TMEM117: variants seen among roughly 807,000 people sequenced by gnomAD.
TMEM117 encodes transmembrane protein 117.
In TMEM117, 27 loss-of-function variants were observed where a neutral mutation model predicts 52.4. That is an observed-to-expected ratio of 0.51 (90% CI 0.38 to 0.71). The LOEUF (loss-of-function observed/expected upper bound fraction) is 0.71, where lower values mean the gene tolerates loss of function less well. Ranked by LOEUF, TMEM117 falls within the 30% of genes least tolerant of loss-of-function variation. TMEM117 has a pLI of 0.00. For synonymous variants in TMEM117, 215 were observed against 206.3 expected, an observed-to-expected ratio of 1.04 and a Z score of -0.36; for missense variants, 556 against 630.5, an observed-to-expected ratio of 0.88 and a Z score of 1.26.
At chr12:44,238,888 A>T (rs902472861) in intron 5 of TMEM117, among the ~76,000 whole-genome samples, 1 of 152,038 alleles carries the variant, frequency 6.6e-6, no homozygotes, top group Non-Finnish European at 1.5e-5. Context: ...ACCACATGTG[A>T]TCTTTTCTTC....
the TMEM117 span, chr12:43,805,733 G>A: frequency 4.1e-6 from 5 of 1,217,072 alleles, no homozygotes; most frequent in African/African-American, 1.5e-5. Context: ...AGAGTTTTGG[G>A]AAGCACCCCT....
chr12:43,917,118 C>T lies in TMEM117; in HGVS notation c.278-27092C>T, dbSNP rs372799792. ...ATACAATAATAGTACTATGGCTGGG[C>T]AGAGTGGCTCATGCCTATAATTCCA... is the stretch of plus-strand genomic sequence containing the variant. On this transcript the variant is annotated intron_variant, in intron 2 of 7. Transcript: ENST00000266534. Among the ~76,000 whole-genome samples the T allele has an allele frequency of 6.9e-5, 10 of 145,980 alleles. No individual in the cohort carries two copies. In the South Asian group the frequency reaches 2.1e-3, roughly 31 times the overall value.
intron 2 of TMEM117, among the ~76,000 whole-genome samples, chr12:43,940,735 G>C (rs1016235273): frequency 1.3e-5 from 2 of 152,056 alleles, no homozygotes; most frequent in African/African-American, 4.8e-5. Context: ...GTAGAAACCG[G>C]GTTTCACCAT....
At chr12:43,928,678 T>C (rs1592370615) in intron 2 of TMEM117, among the ~76,000 whole-genome samples, 1 of 151,726 alleles carries the variant, frequency 6.6e-6, no homozygotes. Flanking sequence ...TGTGCCATGC[T>C]GGTGCGCTGC....
chr12:44,265,209 G>A (rs144427207), intron 5 of TMEM117, among the ~76,000 whole-genome samples: 1 of 152,270 alleles, frequency 6.6e-6, no homozygotes, highest in African/African-American at 2.4e-5. Context: ...TAATCCAAAG[G>A]CTGCACAGCA....
At chr12:43,800,488 T>G in the TMEM117 span, 4 of 1,613,900 alleles carry the variant, frequency 2.5e-6, no homozygotes, top group African/African-American at 5.3e-5. Flanking sequence ...AATTCCTTCT[T>G]CAGAGTTGCT....
chr12:44,004,325 G>A (rs916544191), intron 3 of TMEM117, among the ~76,000 whole-genome samples: 6 of 152,042 alleles, frequency 3.9e-5, no homozygotes, highest in Non-Finnish European at 8.8e-5. Context: ...ATAACTGCTG[G>A]GTCCATTGAT....
At chr12:44,291,115 C>G (rs745456478) in intron 5 of TMEM117, among the ~76,000 whole-genome samples, 1 of 152,012 alleles carries the variant, frequency 6.6e-6, no homozygotes, top group African/African-American at 2.4e-5. Context: ...TAATTATTCC[C>G]ATCTCTGAAG....
intron 3 of TMEM117, among the ~76,000 whole-genome samples, chr12:44,119,859 T>G (rs1391929590): frequency 6.6e-6 from 1 of 152,152 alleles, no homozygotes; most frequent in Non-Finnish European, 1.5e-5. Context: ...TAACCAGGGT[T>G]GAGAATGAGT....
intron 3 of TMEM117, among the ~76,000 whole-genome samples, chr12:44,096,709 T>G (rs1435838670): frequency 2.0e-5 from 3 of 152,022 alleles, no homozygotes; most frequent in Non-Finnish European, 4.4e-5. Context: ...ATACAAAAAT[T>G]AATTCAAGAT....
chr12:44,097,870 T>G (rs1221695832), intron 3 of TMEM117, among the ~76,000 whole-genome samples: 1 of 151,740 alleles, frequency 6.6e-6, no homozygotes, highest in African/African-American at 2.4e-5. Context: ...AATAATAAAA[T>G]AAAATAAAAT....
chr12:43,858,089 AT>A (rs951768072), intron 2 of TMEM117, among the ~76,000 whole-genome samples: 25 of 152,256 alleles, frequency 1.6e-4, no homozygotes, highest in African/African-American at 5.8e-4. Flanking sequence ...ACTATATCTG[AT>A]TTTGAGTATC....
intron 5 of TMEM117, among the ~76,000 whole-genome samples, chr12:44,250,552 A>C (rs1284593551): frequency 3.3e-5 from 5 of 152,196 alleles, no homozygotes; most frequent in African/African-American, 1.2e-4. Context: ...TGTTTATTGC[A>C]GCAGTATTTA....
chr12:44,321,236 A>T (rs570691519), intron 6 of TMEM117, among the ~76,000 whole-genome samples: 2 of 152,312 alleles, frequency 1.3e-5, no homozygotes, highest in Admixed American at 1.3e-4. Context: ...GTATTTTACA[A>T]AGCACAATCA....
At chr12:43,992,512 C>G (rs1201373900) in intron 3 of TMEM117, among the ~76,000 whole-genome samples, 1 of 152,160 alleles carries the variant, frequency 6.6e-6, no homozygotes, top group East Asian at 1.9e-4. Context: ...CTCCTGGGTT[C>G]AAGCAATCCT....
chr12:44,121,334 C>A (rs1166866078), intron 3 of TMEM117, among the ~76,000 whole-genome samples: 1 of 152,106 alleles, frequency 6.6e-6, no homozygotes, highest in Non-Finnish European at 1.5e-5. Context: ...AACCATTGAA[C>A]AACATGGGTT....
intron 6 of TMEM117, among the ~76,000 whole-genome samples, chr12:44,342,863 G>GTTTGTT (rs1190160608): frequency 1.3e-5 from 2 of 151,804 alleles, no homozygotes; most frequent in South Asian, 2.1e-4. Flanking sequence ...AAAGAGAATG[G>GTTTGTT]TTTGTTTTTG....
At chr12:44,359,614 CA>C (rs1311761889) in intron 6 of TMEM117, among the ~76,000 whole-genome samples, 6 of 151,920 alleles carry the variant, frequency 3.9e-5, no homozygotes, top group Non-Finnish European at 8.8e-5. Context: ...TAATAAATAA[CA>C]ATAGATTGAA....
At chr12:44,144,428 C>T (rs1948613274) in intron 4 of TMEM117, among the ~76,000 whole-genome samples, 1 of 152,188 alleles carries the variant, frequency 6.6e-6, no homozygotes, top group Admixed American at 6.5e-5. Flanking sequence ...TCAGTCTATT[C>T]ACTTGAAAAT....
Sources: allele counts gnomAD v4.1 joint callset (sites outside exome capture counted in the v4.1 genomes callset), GRCh38; gene constraint gnomAD v4.1.1; transcripts MANE v1.5; gene names NCBI Gene and HGNC (gene_info 2026-07-23, HGNC 2026-07-21).